Variants in MLXIPL observed in about 807,000 individuals in gnomAD.
The protein encoded by MLXIPL is MLX interacting protein like, also known as carbohydrate-responsive element-binding protein.
Under a neutral mutation model 81.5 loss-of-function variants are expected in MLXIPL, and 49 were observed. The ratio of observed to expected loss-of-function variants is 0.60; its 90% CI spans 0.48 to 0.76. The LOEUF (loss-of-function observed/expected upper bound fraction) is 0.76, where lower values mean the gene tolerates loss of function less well. Among genes scored for constraint, MLXIPL ranks in the 30% least tolerant of loss-of-function variants. The probability of loss-of-function intolerance (pLI) is 0.00; values close to 1 mark genes in which losing one functional copy is unlikely to be tolerated. For synonymous variants in MLXIPL, 466 were observed against 485.5 expected, an observed-to-expected ratio of 0.96 and a Z score of 0.53; for missense variants, 1,053 against 1,167.0, an observed-to-expected ratio of 0.90 and a Z score of 1.42.
intron 15 of MLXIPL, 32 bp from the exon 16 acceptor site, chr7:73,594,435 C>A: frequency 6.3e-7 from 1 of 1,599,272 alleles, no homozygotes; most frequent in African/African-American, 1.3e-5. Flanking sequence ...GCCTGTGGTC[C>A]AGCTGGTCCC....
chr7:73,620,848 C>G (rs562368965), intron 1 of MLXIPL, among the ~76,000 whole-genome samples: 7 of 151,958 alleles, frequency 4.6e-5, no homozygotes, highest in Middle Eastern at 3.4e-3. Context: ...GTCAGGGGTT[C>G]GAGACCAGCC....
At chr7:73,643,661 C>T in the MLXIPL span, among the ~76,000 whole-genome samples, 83 of 152,290 alleles carry the variant, frequency 5.5e-4, no homozygotes, top group African/African-American at 1.9e-3. Context: ...TGAAGGATGA[C>T]CCGTCCCTTA....
In MLXIPL at chr7:73,612,506, G is replaced by T. The variant is rs1290081608; in HGVS notation, c.400+3565C>A. On this transcript the variant is annotated intron_variant, in intron 2 of 16. Transcript: ENST00000313375. ...AAATACAAAAAATTAGCCGGGCGTG[G>T]TGGTGCGCACCTGTAGTCCCAGCTA... is the stretch of plus-strand genomic sequence containing the variant. Among the ~76,000 whole-genome samples, 5 of 152,144 alleles carry T rather than the reference G, an allele frequency of 3.3e-5. No homozygotes were observed. In the South Asian group the frequency reaches 1.0e-3, roughly 32 times the overall value.
At chr7:73,621,641 A>C (rs1283322980) in intron 1 of MLXIPL, among the ~76,000 whole-genome samples, 2 of 149,720 alleles carry the variant, frequency 1.3e-5, no homozygotes, top group Non-Finnish European at 3.0e-5. Context: ...GAAATCTAGA[A>C]GCTCTCCTGG....
chr7:73,624,442 G>A lies in MLXIPL; in HGVS notation c.51C>T (p.Val17=). The change falls in exon 1 of 17, where the codon GTC becomes GTT. Residue 17 remains valine (V), a synonymous_variant. Transcript: ENST00000313375. ...GLAAGLQVPR[V]APSPDSDSDT... ...CCGAGTCCGAGTCTGGGCTGGGCGC[G>A]ACCCGCGGGACCTGCAAGCCCGCGG... 2.6e-6 allele frequency: 4 copies of A among 1,553,724 alleles called. No homozygotes were observed. The highest frequency in any genetic ancestry group is 3.5e-6 in the Non-Finnish European group (4 of 1,157,576).
intron 2 of MLXIPL, among the ~76,000 whole-genome samples, chr7:73,615,640 C>T (rs909465603): frequency 2.6e-5 from 4 of 151,960 alleles, no homozygotes; most frequent in African/African-American, 9.7e-5. Flanking sequence ...CAGGGTCAGG[C>T]GTGGTGGCTC....
Position 73,607,684 on chromosome 7 carries a change from G to A in MLXIPL, c.401-12C>T, listed in dbSNP as rs1795410808. The A allele has an allele frequency of 1.2e-6, 2 of 1,612,702 alleles. No homozygotes were observed. Among genetic ancestry groups the A allele is most frequent in the Non-Finnish European group, 1.7e-6 (2 of 1,179,654 alleles). On this transcript the variant is annotated splice_polypyrimidine_tract_variant and intron_variant, in intron 2 of 16. Transcript: ENST00000313375. ...CCTCCGCTTCACATCTGAGAGAAGG[G>A]GGCCAGGTCAGGGGCACCCAGCTTC...
At chr7:73,594,106 C>A in intron 16 of MLXIPL, 123 bp from the exon 17 acceptor site, 1 of 1,385,956 alleles carries the variant, frequency 7.2e-7, no homozygotes, top group South Asian at 1.2e-5. Flanking sequence ...CTCCTAGAAC[C>A]TCTGTCTACA....
chr7:73,637,348 G>T, the MLXIPL span, among the ~76,000 whole-genome samples: 2 of 151,768 alleles, frequency 1.3e-5, no homozygotes, highest in African/African-American at 4.8e-5. Flanking sequence ...GGTGGCACAC[G>T]CTTGTAATCC....
the MLXIPL span, among the ~76,000 whole-genome samples, chr7:73,643,956 TG>T: frequency 6.6e-6 from 1 of 151,690 alleles, no homozygotes; most frequent in African/African-American, 2.4e-5. Context: ...TTTATATAGA[TG>T]GGGGGTCTCA....
chr7:73,597,267 G>T lies in MLXIPL; in HGVS notation c.1518C>A (p.Ser506Arg), dbSNP rs782532816. ...CAGTGGCAGGGGCTAAGGTAGGGGGGCTGGCTTTCTGTCCCCTAGGGGATG... is the reference window on the plus strand; with the variant it reads ...CAGTGGCAGGGGCTAAGGTAGGGGGTCTGGCTTTCTGTCCCCTAGGGGATG... Reference protein sequence around the residue: ...PAPSPRGQKASPPTLAPATAS... With the variant: ...PAPSPRGQKARPPTLAPATAS... Residue 506 changes from serine to arginine, a missense_variant, in exon 9 of 17, where the codon AGC (serine) becomes AGA (arginine). Physicochemically the swap from Ser to Arg is moderately radical, Grantham distance 110 (BLOSUM62 -1). Transcript: ENST00000313375. 41 of 1,582,346 alleles carry T rather than the reference G, an allele frequency of 2.6e-5. 2 individuals are homozygous for T. In the South Asian group the frequency reaches 4.3e-4, roughly 17 times the overall value.
Position 73,596,840 on chromosome 7 carries a change from C to G in MLXIPL, c.1671+25G>C. On this transcript the variant is annotated intron_variant, in intron 10 of 16. Coordinates refer to ENST00000313375, the MANE Select transcript of MLXIPL (RefSeq NM_032951.3). The surrounding 1 kb of genome is among the most constrained non-coding windows in gnomAD (Gnocchi z 4.7). ...GGGTTGAAGGCCGTGGGCACAGCCC[C>G]ACCGCCCAGTGCCCGAGATCTTACC... 6.2e-7 allele frequency: 1 copy of G among 1,609,362 alleles called. No individual in the cohort carries two copies. The highest frequency in any genetic ancestry group is 8.5e-7 in the Non-Finnish European group (1 of 1,178,680).
At chr7:73,631,558 CTTTTTTTTTTTT>C in the MLXIPL span, among the ~76,000 whole-genome samples, 3 of 69,662 alleles carry the variant, frequency 4.3e-5, no homozygotes, top group South Asian at 4.4e-4. Context: ...GATGTTGCTA[CTTTTTTTTTTTT>C]TTTTTTTTTT....
intron 7 of MLXIPL, among the ~76,000 whole-genome samples, chr7:73,601,690 T>G (rs1304538214): frequency 6.6e-6 from 1 of 151,782 alleles, no homozygotes; most frequent in African/African-American, 2.4e-5. Context: ...ACCACCACAC[T>G]CAGCTAATTT....
chr7:73,635,600 C>T, the MLXIPL span, among the ~76,000 whole-genome samples: 2 of 151,732 alleles, frequency 1.3e-5, no homozygotes, highest in Admixed American at 1.3e-4. Flanking sequence ...TCTCTTCTAT[C>T]TATCCATCCA....
chr7:73,644,685 G>A, the MLXIPL span, among the ~76,000 whole-genome samples: 1 of 152,088 alleles, frequency 6.6e-6, no homozygotes, highest in South Asian at 2.1e-4. Context: ...CTTCCTGGTC[G>A]ACATCTCTGA....
At chr7:73,629,392 G>GTGA (rs1403568869), upstream of MLXIPL, among the ~76,000 whole-genome samples, 1 of 152,092 alleles carries the variant, frequency 6.6e-6, no homozygotes, top group Non-Finnish European at 1.5e-5. Context: ...TGCATTCACA[G>GTGA]TGATGACGCA....
At chr7:73,634,607 G>C in the MLXIPL span, among the ~76,000 whole-genome samples, 1 of 151,818 alleles carries the variant, frequency 6.6e-6, no homozygotes, top group Non-Finnish European at 1.5e-5. Context: ...GGCCAGGCTG[G>C]TCTCGAACTC....
Position 73,596,447 on chromosome 7 carries a change from A to G in MLXIPL, c.1855T>C (p.Ser619Pro), listed in dbSNP as rs1209512249. ...SERRLSGDLSSMPGPGTLSVR... is the reference protein window; with the variant it reads ...SERRLSGDLSPMPGPGTLSVR... ...CTCAGAGTCCCAGGGCCTGGCATGG[A>G]GCTGAGGTCCCCTGACAGCCGCCGT... The change falls in exon 12 of 17, where the codon TCC becomes CCC. Residue 619 changes from serine (S) to proline (P), a missense_variant. Transcript: ENST00000313375. This position sits in a 1 kb window ranked among gnomAD's most constrained non-coding sequence, Gnocchi z 4.7. 1 of 1,612,472 alleles carries G rather than the reference A, an allele frequency of 6.2e-7. No homozygotes were observed. Among genetic ancestry groups the G allele is most frequent in the Non-Finnish European group, 8.5e-7 (1 of 1,179,922 alleles).
Sources: allele counts gnomAD v4.1 joint callset (sites outside exome capture counted in the v4.1 genomes callset), GRCh38; gene constraint gnomAD v4.1.1; non-coding constraint Gnocchi (gnomAD v3.1); transcripts MANE v1.5; gene names NCBI Gene and HGNC (gene_info 2026-07-23, HGNC 2026-07-21).